Variants in GALNTL6 observed in about 807,000 individuals in gnomAD.
GALNTL6 encodes polypeptide N-acetylgalactosaminyltransferase like 6, also known as polypeptide N-acetylgalactosaminyltransferase-like 6.
Under a neutral mutation model 73.7 loss-of-function variants are expected in GALNTL6, and 46 were observed. The observed-to-expected ratio is 0.62, with a 90% CI of 0.49 to 0.80. GALNTL6 has a LOEUF of 0.80. Among genes scored for constraint, GALNTL6 ranks in the 30% least tolerant of loss-of-function variants. GALNTL6 has a pLI of 0.00. For synonymous variants in GALNTL6, 259 were observed against 263.7 expected, an observed-to-expected ratio of 0.98 and a Z score of 0.17; for missense variants, 604 against 755.0, an observed-to-expected ratio of 0.80 and a Z score of 2.34.
At chr4:172,394,514 C>G (rs1477792198) in intron 5 of GALNTL6, among the ~76,000 whole-genome samples, 1 of 150,210 alleles carries the variant, frequency 6.7e-6, no homozygotes. Context: ...TCACTGCAAC[C>G]TCCGCCTGCC....
intron 2 of GALNTL6, among the ~76,000 whole-genome samples, chr4:172,127,081 C>T (rs1252237668): frequency 6.6e-6 from 1 of 152,256 alleles, no homozygotes; most frequent in African/African-American, 2.4e-5. Flanking sequence ...CATATGACTG[C>T]TGCTTCTGAA....
rs897447124 is a variant in GALNTL6 at position 172,053,856 on chromosome 4, C to A, written c.139-175800C>A. ...AGGAGGCAAGACCTTTAAATTTTATCTTTTGAAGTTATGTAAATTTTTATA... is the reference window on the plus strand; with the variant it reads ...AGGAGGCAAGACCTTTAAATTTTATATTTTGAAGTTATGTAAATTTTTATA... On this transcript the variant is annotated intron_variant, in intron 2 of 12. Transcript: ENST00000506823. 2.6e-5 allele frequency among the ~76,000 whole-genome samples: 4 copies of A among 152,096 alleles called. No homozygotes were observed. In the East Asian group the frequency reaches 5.8e-4, roughly 22 times the overall value.
At chr4:172,398,609 TTATTGCAG>T (rs1456510781) in intron 5 of GALNTL6, among the ~76,000 whole-genome samples, 2 of 152,168 alleles carry the variant, frequency 1.3e-5, no homozygotes, top group African/African-American at 4.8e-5. Context: ...TATGTATTCT[TTATTGCAG>T]TAAGATAACC....
intron 2 of GALNTL6, among the ~76,000 whole-genome samples, chr4:171,929,917 A>G (rs1241086108): frequency 6.6e-6 from 1 of 152,196 alleles, no homozygotes; most frequent in Non-Finnish European, 1.5e-5. Context: ...CTGGCCCAAC[A>G]GCCGGGCCAA....
At chr4:172,539,720 T>G (rs189807256) in intron 5 of GALNTL6, among the ~76,000 whole-genome samples, 9 of 151,972 alleles carry the variant, frequency 5.9e-5, no homozygotes, top group African/African-American at 2.2e-4. Flanking sequence ...TGAAGCTAGT[T>G]GAACTGGCTT....
chr4:172,569,039 A>C (rs1236377793), intron 5 of GALNTL6, among the ~76,000 whole-genome samples: 1 of 152,004 alleles, frequency 6.6e-6, no homozygotes, highest in African/African-American at 2.4e-5. Flanking sequence ...ACATCATCCT[A>C]CTTTTCAGTT....
chr4:172,730,862 C>T (rs536971475), intron 5 of GALNTL6, among the ~76,000 whole-genome samples: 9 of 152,092 alleles, frequency 5.9e-5, no homozygotes, highest in East Asian at 1.9e-4. Flanking sequence ...GGGCGGATCA[C>T]GAGGTCAGGA....
intron 5 of GALNTL6, among the ~76,000 whole-genome samples, chr4:172,553,383 A>G (rs1268717414): frequency 6.6e-6 from 1 of 152,170 alleles, no homozygotes; most frequent in Non-Finnish European, 1.5e-5. Context: ...AGTAAACTGG[A>G]TGAGAACTGT....
chr4:172,481,521 A>G (rs549851601), intron 5 of GALNTL6, among the ~76,000 whole-genome samples: 1 of 149,644 alleles, frequency 6.7e-6, no homozygotes, highest in African/African-American at 2.6e-5. Context: ...TGATTGGTCC[A>G]TTTTACAGAG....
At chr4:172,956,517 T>C (rs1561054806) in intron 10 of GALNTL6, among the ~76,000 whole-genome samples, 1 of 152,116 alleles carries the variant, frequency 6.6e-6, no homozygotes, top group South Asian at 2.1e-4. Flanking sequence ...CCAGGAGATA[T>C]CAGCTGTGAT....
chr4:172,563,840 T>A (rs921448178), intron 5 of GALNTL6, among the ~76,000 whole-genome samples: 9 of 152,348 alleles, frequency 5.9e-5, no homozygotes, highest in African/African-American at 1.9e-4. Flanking sequence ...ATGGTTTTTT[T>A]AATTCACCTT....
In GALNTL6 at chr4:172,913,300, G is replaced by C. The variant is rs189091767; in HGVS notation, c.1042-17861G>C. On this transcript the variant is annotated intron_variant, in intron 8 of 12. Coordinates refer to ENST00000506823, the MANE Select transcript of GALNTL6 (RefSeq NM_001034845.3). ...GATGGGGAGAAACTAGAGCAGAAAA[G>C]CTGAAAATTCTAAAAATCAGAGCAC... 7.2e-5 allele frequency among the ~76,000 whole-genome samples: 11 copies of C among 152,316 alleles called. No individual in the cohort carries two copies. The East Asian group carries it at 1.5e-3, about 21-fold the overall frequency.
intron 2 of GALNTL6, among the ~76,000 whole-genome samples, chr4:172,077,809 G>T (rs1373238915): frequency 6.6e-6 from 1 of 152,126 alleles, no homozygotes; most frequent in Non-Finnish European, 1.5e-5. Flanking sequence ...TCTCTCTAGG[G>T]CATTTCAGAG....
In GALNTL6 at chr4:172,084,475, A is replaced by T. The variant is rs535753706; in HGVS notation, c.139-145181A>T. On this transcript the variant is annotated intron_variant, in intron 2 of 12. Transcript: ENST00000506823. ...TAAAACAAACCTATATTACAACAGC[A>T]GGTCTGCAAAGGTATTACAGTGCAA... 2.6e-5 allele frequency among the ~76,000 whole-genome samples: 4 copies of T among 152,312 alleles called. No individual in the cohort carries two copies. The East Asian group carries it at 7.7e-4, about 29-fold the overall frequency.
At chr4:172,434,767 C>G (rs79117965) in intron 5 of GALNTL6, among the ~76,000 whole-genome samples, 1 of 152,130 alleles carries the variant, frequency 6.6e-6, no homozygotes, top group African/African-American at 2.4e-5. Flanking sequence ...ACTAAGAGAA[C>G]CAAACTCATA....
chr4:171,894,599 C>A (rs1000706377), intron 2 of GALNTL6, among the ~76,000 whole-genome samples: 9 of 152,298 alleles, frequency 5.9e-5, no homozygotes, highest in Admixed American at 3.3e-4. Context: ...AGGCCTCAAG[C>A]AATCCTCCCA....
At chr4:172,481,680 T>G (rs1045173500) in intron 5 of GALNTL6, among the ~76,000 whole-genome samples, 1 of 152,008 alleles carries the variant, frequency 6.6e-6, no homozygotes, top group African/African-American at 2.4e-5. Flanking sequence ...AAGTCCCCAC[T>G]AGATTAGCTA....
chr4:172,603,026 A>G (rs576466631), intron 5 of GALNTL6, among the ~76,000 whole-genome samples: 136 of 152,292 alleles, frequency 8.9e-4, no homozygotes, highest in African/African-American at 3.0e-3. Flanking sequence ...AGACAGAACT[A>G]ATATGGTGTC....
chr4:172,124,100 G>A (rs1438347248), intron 2 of GALNTL6, among the ~76,000 whole-genome samples: 1 of 152,130 alleles, frequency 6.6e-6, no homozygotes, highest in East Asian at 1.9e-4. Context: ...ATCAGCAATT[G>A]ACAAGAAAAT....
Sources: gnomAD v4.1 joint callset for allele counts (sites outside exome capture counted in the v4.1 genomes callset) on GRCh38, gnomAD v4.1.1 for gene constraint, MANE v1.5 for transcripts, NCBI Gene and HGNC (gene_info 2026-07-23, HGNC 2026-07-21) for gene names.